The following DMD variants were observed in gnomAD, a reference collection of about 807,000 sequenced individuals.
The protein encoded by DMD is dystrophin.
Under a neutral mutation model 330.1 loss-of-function variants are expected in DMD, and 63 were observed. That is an observed-to-expected ratio of 0.19 (90% CI 0.16 to 0.24). The LOEUF is 0.24. DMD is among the 10% of genes least tolerant of loss of function. The probability of loss-of-function intolerance (pLI) is 1.00; values close to 1 mark genes in which losing one functional copy is unlikely to be tolerated. For synonymous variants in DMD, 1,223 were observed against 959.8 expected, an observed-to-expected ratio of 1.27 and a Z score of -5.07; for missense variants, 3,344 against 2,684.1, an observed-to-expected ratio of 1.25 and a Z score of -5.43.
chrX:31,720,117 G>A (rs2030003), intron 52 of DMD, among the ~76,000 whole-genome samples: 14,762 of 111,378 alleles, frequency 0.13, 847 homozygotes, highest in Admixed American at 0.31. Flanking sequence ...GAACAAGCTC[G>A]GCTTTCCCCT....
At chrX:32,654,717 G>A (rs2060429128) in intron 9 of DMD, among the ~76,000 whole-genome samples, 1 of 111,833 alleles carries the variant, frequency 8.9e-6, no homozygotes, top group African/African-American at 3.3e-5. Flanking sequence ...AATAGTTTCA[G>A]AAGGAATGGT....
chrX:33,210,178 A>T (rs754643933), intron 1 of DMD, among the ~76,000 whole-genome samples: 131 of 111,195 alleles, frequency 1.2e-3, no homozygotes, highest in African/African-American at 4.1e-3. Context: ...GACTCAATAC[A>T]TGGACAATGT....
intron 44 of DMD, among the ~76,000 whole-genome samples, chrX:32,057,278 TAAGA>T (rs2096183949): frequency 9.0e-6 from 1 of 110,936 alleles, no homozygotes; most frequent in African/African-American, 3.3e-5. Flanking sequence ...AACAATTAGA[TAAGA>T]AAGAGAAATA....
At chrX:31,566,595 C>A (rs1208899676) in intron 55 of DMD, among the ~76,000 whole-genome samples, 1 of 111,618 alleles carries the variant, frequency 9.0e-6, no homozygotes, top group East Asian at 2.8e-4. Flanking sequence ...TGTGACTTTT[C>A]TTATAGATTT....
chrX:33,045,315 T>TACACACACACACACACACACACACAC (rs55970492), intron 1 of DMD, among the ~76,000 whole-genome samples: 87 of 96,740 alleles, frequency 9.0e-4, no homozygotes, highest in Non-Finnish European at 1.3e-3. Context: ...CACAGGTGCG[T>TACACACACACACACACACACACACAC]ACACACACAC....
At chrX:31,292,383 C>T (rs185278643) in intron 62 of DMD, among the ~76,000 whole-genome samples, 1 of 112,034 alleles carries the variant, frequency 8.9e-6, no homozygotes, top group African/African-American at 3.2e-5. Context: ...AGTAATCAGA[C>T]AATTGCAAAT....
At chrX:31,304,433 T>G (rs932333855) in intron 62 of DMD, among the ~76,000 whole-genome samples, 95 of 110,865 alleles carry the variant, frequency 8.6e-4, no homozygotes, top group African/African-American at 3.0e-3. Context: ...GAAAAATTTT[T>G]AGATGCCTAA....
chrX:33,106,278 A>G (rs1047857865), intron 1 of DMD, among the ~76,000 whole-genome samples: 4 of 110,323 alleles, frequency 3.6e-5, no homozygotes, highest in Non-Finnish European at 7.6e-5. Flanking sequence ...TCAGAGACTC[A>G]GAAGTGGAGG....
chrX:32,419,062 A>G (rs1257634342), intron 29 of DMD, among the ~76,000 whole-genome samples: 1 of 109,179 alleles, frequency 9.2e-6, no homozygotes, highest in Non-Finnish European at 1.9e-5. Flanking sequence ...TTGATTAGAT[A>G]GGAACACTTT....
At chrX:32,579,088 C>T (rs775582303) in intron 13 of DMD, among the ~76,000 whole-genome samples, 1 of 111,332 alleles carries the variant, frequency 9.0e-6, no homozygotes, top group Non-Finnish European at 1.9e-5. Context: ...AGAAATGTGG[C>T]AGAGTCCTAC....
chrX:33,270,489 C>T (rs1301297073), intron 1 of DMD, among the ~76,000 whole-genome samples: 8 of 111,584 alleles, frequency 7.2e-5, no homozygotes, highest in Non-Finnish European at 1.5e-4. Context: ...TACGTGGGTC[C>T]TTCTGCTTTT....
intron 47 of DMD, among the ~76,000 whole-genome samples, chrX:31,875,834 G>C (rs2093959104): frequency 8.9e-6 from 1 of 112,405 alleles, no homozygotes; most frequent in Admixed American, 9.4e-5. Flanking sequence ...TCCCAAATGA[G>C]TGATTTTTAT....
At chrX:31,266,577 C>T (rs2051143550) in intron 62 of DMD, among the ~76,000 whole-genome samples, 1 of 112,164 alleles carries the variant, frequency 8.9e-6, no homozygotes, top group Non-Finnish European at 1.9e-5. Flanking sequence ...CGTCCCAAAG[C>T]CGAGGGAAGA....
At chrX:32,564,499 A>C (rs1285769426) in intron 16 of DMD, among the ~76,000 whole-genome samples, 1 of 111,876 alleles carries the variant, frequency 8.9e-6, no homozygotes, top group Non-Finnish European at 1.9e-5. Flanking sequence ...GGCAGATCAC[A>C]TAAAACAGGA....
intron 52 of DMD, among the ~76,000 whole-genome samples, chrX:31,706,388 G>C (rs747588303): frequency 3.6e-5 from 4 of 110,981 alleles, no homozygotes; most frequent in African/African-American, 1.3e-4. Flanking sequence ...TAGCCAGGCA[G>C]TTACTCTAAA....
intron 13 of DMD, among the ~76,000 whole-genome samples, chrX:32,587,013 G>A (rs965233463): frequency 1.9e-4 from 21 of 111,009 alleles, no homozygotes; most frequent in African/African-American, 5.9e-4. Context: ...GAACTAGAGC[G>A]AAACATCAAA....
chrX:32,722,413 G>T (rs1201730641), intron 7 of DMD, among the ~76,000 whole-genome samples: 1 of 110,293 alleles, frequency 9.1e-6, no homozygotes, highest in Non-Finnish European at 1.9e-5. Context: ...TATATAGGGG[G>T]GTGTGCATAG....
chrX:32,034,693 G>A (rs1475294501), intron 44 of DMD, among the ~76,000 whole-genome samples: 2 of 111,120 alleles, frequency 1.8e-5, no homozygotes, highest in Non-Finnish European at 3.8e-5. Context: ...GATTTAAAAT[G>A]GAAATGTAAT....
chrX:33,200,184 CTTAA>C (rs2051183804), intron 1 of DMD, among the ~76,000 whole-genome samples: 1 of 111,264 alleles, frequency 9.0e-6, no homozygotes, highest in Non-Finnish European at 1.9e-5. Flanking sequence ...TTAATAGCTT[CTTAA>C]TTAAGAAATA....
Sources: allele counts gnomAD v4.1 joint callset (sites outside exome capture counted in the v4.1 genomes callset), GRCh38; gene constraint gnomAD v4.1.1; transcripts MANE v1.5; gene names NCBI Gene and HGNC (gene_info 2026-07-23, HGNC 2026-07-21).